Variants in NLRP4 observed in about 807,000 individuals in gnomAD.
NLRP4 encodes the protein NACHT, LRR and PYD domains-containing protein 4.
Under a neutral mutation model 84.7 loss-of-function variants are expected in NLRP4, and 44 were observed. That is an observed-to-expected ratio of 0.52 (90% confidence interval 0.41 to 0.67). The LOEUF (loss-of-function observed/expected upper bound fraction) is 0.67, where lower values mean the gene tolerates loss of function less well. Ranked by LOEUF, NLRP4 falls within the 30% of genes least tolerant of loss-of-function variation. The pLI, the probability that NLRP4 is intolerant of heterozygous loss-of-function variation, is 0.00. For synonymous variants in NLRP4, 544 were observed against 476.4 expected (o/e 1.14, Z -1.85); for missense variants, 1,260 against 1,219.4 (o/e 1.03, Z -0.50).
At chr19:55,860,910 A>G (rs560182023) in intron 3 of NLRP4, among the ~76,000 whole-genome samples, 26 of 152,276 alleles carry the variant, frequency 1.7e-4, no homozygotes, top group Admixed American at 1.3e-3. Flanking sequence ...CCTGGGAGGT[A>G]GAGGTTGCAG....
Position 55,857,846 on chromosome 19 carries a change from G to T in NLRP4, c.453G>T (p.Val151=), listed in dbSNP as rs764954165. 6.2e-6 allele frequency: 10 copies of T among 1,613,970 alleles called. No homozygotes were observed. Among genetic ancestry groups the T allele is most frequent in the Non-Finnish European group, 8.5e-6 (10 of 1,179,874 alleles). The stretch of plus-strand genomic sequence containing the variant: ...AAGCTGGGAAACAGCCACGTACAGT[G>T]ATCATTCAAGGACCACAAGGAATTG... ...PKEAGKQPRT[V]IIQGPQGIGK... The change falls in exon 3 of 10, where the codon GTG becomes GTT. Residue 151 remains valine, a synonymous_variant. Transcript: ENST00000301295.
chr19:55,857,563 G>A (rs1435388165), intron 2 of NLRP4, 111 bp from the exon 3 acceptor site: 10 of 945,374 alleles, frequency 1.1e-5, no homozygotes, highest in Non-Finnish European at 4.8e-6. Context: ...TTTGGCCTGG[G>A]GGCCACAGTG....
Position 55,881,622 on chromosome 19 carries a change from C to A in NLRP4, c.*35C>A, listed in dbSNP as rs754026644. 2 of 1,003,310 alleles carry A rather than the reference C, an allele frequency of 2.0e-6. No individual in the cohort carries two copies. The highest frequency in any genetic ancestry group is 1.3e-5 in the South Asian group (1 of 75,612). The allele number at this position is 1,003,310 out of a possible 1,614,324, so 62.2% of individuals were successfully genotyped here. ...ACCTGGGCTCTGACTCGAACACCTG[C>A]AAAGGACAGGGACTGGGACCGTTAC... On this transcript the variant is annotated 3_prime_UTR_variant, in exon 10 of 10. Transcript: ENST00000301295.
Position 55,858,494 on chromosome 19 carries a change from C to T in NLRP4, c.1101C>T (p.Ser367=). 6.2e-7 allele frequency: 1 copy of T among 1,614,164 alleles called. No individual in the cohort carries two copies. The highest frequency in any genetic ancestry group is 8.5e-7 in the Non-Finnish European group (1 of 1,180,040). The change falls in exon 3 of 10, where the codon AGC becomes AGT. Residue 367 remains serine (S), a synonymous_variant. Coordinates refer to ENST00000301295, the MANE Select transcript of NLRP4 (RefSeq NM_134444.5). This position sits in a 1 kb window ranked among gnomAD's most constrained non-coding sequence, Gnocchi z 4.2. ...AAGACCTGGCCCTGACCTGCCAGAGCACTACCTCTGTGTACTCCTCTTTCG... is the reference window on the plus strand; with the variant it reads ...AAGACCTGGCCCTGACCTGCCAGAGTACTACCTCTGTGTACTCCTCTTTCG... ...KGKDLALTCQ[S]TTSVYSSFVF... is the part of the protein sequence containing the mutation.
intron 1 of NLRP4, among the ~76,000 whole-genome samples, chr19:55,845,870 G>GTTT (rs1433561718): frequency 1.7e-5 from 2 of 118,832 alleles, no homozygotes; most frequent in African/African-American, 1.2e-4. Flanking sequence ...TTTTTGATGG[G>GTTT]GTTGTTTTTT....
chr19:55,861,710 A>G (rs1196071567), intron 4 of NLRP4, among the ~76,000 whole-genome samples, 163 bp downstream of exon 4: 1 of 152,150 alleles, frequency 6.6e-6, no homozygotes. Context: ...ATTCTTCATC[A>G]TAGGGGTTGT....
rs1555808511 is a variant in NLRP4 at position 55,857,357 on chromosome 19, G to GTC, written c.281-315_281-314dup. ...TGTGTGTGTGTGTGTGTGTGTGTGTGTCTATTGAAAGCAGAAGTTGTCAAC... is the reference window on the plus strand; with the variant it reads ...TGTGTGTGTGTGTGTGTGTGTGTGTGTCTCTATTGAAAGCAGAAGTTGTCAAC... On this transcript the variant is annotated intron_variant, in intron 2 of 9. Transcript: ENST00000301295. The GTC allele has an allele frequency of 2.0e-3, 804 of 407,214 alleles. 1 individual carries two copies. Among genetic ancestry groups the GTC allele is most frequent in the Middle Eastern group, 2.6e-3 (4 of 1,558 alleles). 25.2% of individuals were successfully genotyped at this position (407,214 alleles called of 1,614,324 possible).
At chr19:55,868,377 C>A (rs899127037) in intron 6 of NLRP4, among the ~76,000 whole-genome samples, 1 of 151,978 alleles carries the variant, frequency 6.6e-6, no homozygotes, top group Admixed American at 6.6e-5. Context: ...GTACGTAAAA[C>A]ACAGAAGGAA....
In NLRP4 at chr19:55,858,952, G is replaced by C; in HGVS notation, c.1559G>C (p.Gly520Ala). ...CAAGAAAAACTGGATGCGTTTTTTG[G>C]CTTCCAACTGTCCCAAGAGATAAAG... ...KEQEKLDAFF[G>A]FQLSQEIKQQ... The change falls in exon 3 of 10, where the codon GGC becomes GCC. Residue 520 changes from glycine to alanine, a missense_variant. This residue lies in a region of NLRP4 where 712 missense variants were observed against 669.2 expected (regional missense o/e 1.06). Transcript: ENST00000301295. The surrounding 1 kb of genome is among the most constrained non-coding windows in gnomAD (Gnocchi z 4.2). The C allele has an allele frequency of 6.2e-7, 1 of 1,614,022 alleles. No homozygotes were observed. The highest frequency in any genetic ancestry group is 8.5e-7 in the Non-Finnish European group (1 of 1,179,972).
In NLRP4 at chr19:55,836,594, C is replaced by G. The variant is rs918137610; in HGVS notation, c.-406C>G. On this transcript the variant is annotated 5_prime_UTR_variant, in exon 1 of 10. Coordinates refer to ENST00000301295, the MANE Select transcript of NLRP4 (RefSeq NM_134444.5). The stretch of plus-strand genomic sequence containing the variant: ...CAGCGCTTCGTGCTGGGCTGTTCGT[C>G]TCTTCTATGTGCTGATTTCCTGGGT... 1 of 152,502 alleles carries G rather than the reference C, an allele frequency of 6.6e-6. No homozygotes were observed. The highest frequency in any genetic ancestry group is 1.5e-5 in the Non-Finnish European group (1 of 68,176). The allele number at this position is 152,502 out of a possible 1,614,324, so 9.4% of individuals were successfully genotyped here. A position where few individuals can be genotyped will look rare whatever the true frequency, so the allele number is the denominator to read the frequency against.
intron 1 of NLRP4, among the ~76,000 whole-genome samples, chr19:55,838,728 G>A (rs1041634038): frequency 2.0e-5 from 3 of 151,968 alleles, no homozygotes; most frequent in African/African-American, 7.3e-5. Context: ...TTCAAGATTT[G>A]TACACATTGT....
intron 7 of NLRP4, among the ~76,000 whole-genome samples, chr19:55,871,433 A>G (rs931627416): frequency 2.0e-5 from 3 of 152,240 alleles, no homozygotes; most frequent in African/African-American, 4.8e-5. Flanking sequence ...AGAATGCTTT[A>G]GAAGAAGACA....
intron 9 of NLRP4, among the ~76,000 whole-genome samples, chr19:55,880,807 T>C (rs998016276): frequency 6.6e-6 from 1 of 152,226 alleles, no homozygotes; most frequent in African/African-American, 2.4e-5. Context: ...TACCACTTTC[T>C]GGTTTTGTGA....
intron 1 of NLRP4, among the ~76,000 whole-genome samples, chr19:55,838,588 A>G (rs1166807590): frequency 6.6e-6 from 1 of 152,106 alleles, no homozygotes. Context: ...GTACGCTATT[A>G]AAAGAAAAAA....
At position 55,871,016 on chromosome 19, in the gene NLRP4, C is replaced by T. The variant is rs779014342; in HGVS notation, c.2525+19C>T. 7 of 1,610,670 alleles carry T rather than the reference C, an allele frequency of 4.3e-6. No individual in the cohort carries two copies. Among genetic ancestry groups the T allele is most frequent in the Non-Finnish European group, 5.1e-6 (6 of 1,177,380 alleles). ...CACTGTGGTAGGCTTTTTGCTGTTT[C>T]TTTGAAGACCAAGCCGTCTTTTCAA... On this transcript the variant is annotated intron_variant, in intron 7 of 9. Coordinates refer to ENST00000301295, the MANE Select transcript of NLRP4 (RefSeq NM_134444.5).
At chr19:55,849,737 A>G (rs1983939546) in intron 1 of NLRP4, among the ~76,000 whole-genome samples, 1 of 152,148 alleles carries the variant, frequency 6.6e-6, no homozygotes. Flanking sequence ...TTACAGTGTA[A>G]TTTCTATATT....
Position 55,877,092 on chromosome 19 carries a change from T to G in NLRP4, c.2622T>G (p.Asn874Lys). 6.2e-7 allele frequency: 1 copy of G among 1,614,122 alleles called. No individual in the cohort carries two copies. Among genetic ancestry groups the G allele is most frequent in the South Asian group, 1.1e-5 (1 of 91,082 alleles). ...TGAAGATTCTGCAAATTGGGTGCAA[T>G]GAAATCGGAGATGTGGGTGTGCAGC... is the stretch of plus-strand genomic sequence containing the variant. Reference protein sequence around the residue: ...QNLKILQIGCNEIGDVGVQLL... With the variant: ...QNLKILQIGCKEIGDVGVQLL... Residue 874 changes from asparagine to lysine, a missense_variant, in exon 8 of 10, where the codon AAT (asparagine) becomes AAG (lysine). Transcript: ENST00000301295.
intron 1 of NLRP4, among the ~76,000 whole-genome samples, chr19:55,840,141 T>C (rs1238010122): frequency 6.6e-6 from 1 of 152,222 alleles, no homozygotes; most frequent in Non-Finnish European, 1.5e-5. Context: ...TAGTGTTTTT[T>C]CCATTTATTG....
At chr19:55,869,702 G>T (rs1985099186) in intron 6 of NLRP4, among the ~76,000 whole-genome samples, 1 of 151,976 alleles carries the variant, frequency 6.6e-6, no homozygotes, top group South Asian at 2.1e-4. Context: ...GCCATATGTG[G>T]TTCGTTCATC....
Sources: allele counts gnomAD v4.1 joint callset (sites outside exome capture counted in the v4.1 genomes callset), GRCh38; gene constraint gnomAD v4.1.1; regional missense constraint gnomAD v4.1.1; non-coding constraint Gnocchi (gnomAD v3.1); transcripts MANE v1.5; gene names NCBI Gene and HGNC (gene_info 2026-07-23, HGNC 2026-07-21).